Variants in GALNT13 observed in about 807,000 individuals in gnomAD.
The protein encoded by GALNT13 is polypeptide N-acetylgalactosaminyltransferase 13.
A neutral mutation model predicts 64.2 loss-of-function variants in GALNT13; 28 were observed. The ratio of observed to expected loss-of-function variants is 0.44; its 90% CI spans 0.32 to 0.60. The LOEUF (loss-of-function observed/expected upper bound fraction) is 0.60, where lower values mean the gene tolerates loss of function less well. GALNT13 is among the 20% of genes least tolerant of loss of function. The pLI, the probability that GALNT13 is intolerant of heterozygous loss-of-function variation, is 0.05. For missense variants in GALNT13, 577 were observed against 669.8 expected, an observed-to-expected ratio of 0.86 and a Z score of 1.53; for synonymous variants, 214 against 224.6, an observed-to-expected ratio of 0.95 and a Z score of 0.42.
chr2:153,149,122 T>C, the GALNT13 span, among the ~76,000 whole-genome samples: 1 of 151,876 alleles, frequency 6.6e-6, no homozygotes, highest in South Asian at 2.1e-4. Flanking sequence ...ACTCTTTAAA[T>C]AGTATTTATA....
the GALNT13 span, among the ~76,000 whole-genome samples, chr2:153,399,808 C>CT: frequency 6.6e-6 from 1 of 152,112 alleles, no homozygotes; most frequent in African/African-American, 2.4e-5. Context: ...TGCTTATCAG[C>CT]TTAAGGAGAT....
intron 7 of GALNT13, among the ~76,000 whole-genome samples, chr2:154,252,704 G>T (rs2105890343): frequency 6.7e-6 from 1 of 149,946 alleles, no homozygotes; most frequent in East Asian, 2.0e-4. Context: ...TGCTGTATAA[G>T]GTATATGGAC....
At chr2:154,125,159 A>C (rs1274627406) in intron 3 of GALNT13, among the ~76,000 whole-genome samples, 1 of 152,174 alleles carries the variant, frequency 6.6e-6, no homozygotes, top group Admixed American at 6.5e-5. Context: ...AGTGCCTAGC[A>C]CATGAGCACA....
upstream of GALNT13, among the ~76,000 whole-genome samples, chr2:153,871,626 G>A (rs1685940823): frequency 6.6e-6 from 1 of 152,192 alleles, no homozygotes; most frequent in Admixed American, 6.5e-5. Flanking sequence ...CCGGCGAGAG[G>A]AGCTGACCCC....
the GALNT13 span, among the ~76,000 whole-genome samples, chr2:153,444,839 A>G: frequency 7.5e-4 from 114 of 152,280 alleles, no homozygotes; most frequent in Middle Eastern, 3.4e-3. Flanking sequence ...TCACCTGGTG[A>G]AGGACATGTT....
At chr2:154,380,881 AT>A (rs1255603177) in intron 9 of GALNT13, among the ~76,000 whole-genome samples, 1 of 151,914 alleles carries the variant, frequency 6.6e-6, no homozygotes, top group Non-Finnish European at 1.5e-5. Flanking sequence ...TTCCTTGGAG[AT>A]TGTCAGGCTG....
At chr2:154,168,672 TTAAAA>T (rs1383563991) in intron 4 of GALNT13, among the ~76,000 whole-genome samples, 11 of 119,028 alleles carry the variant, frequency 9.2e-5, no homozygotes, top group Non-Finnish European at 9.9e-5. Flanking sequence ...ATCTCTACTA[TTAAAA>T]AAAAAAAAAA....
intron 4 of GALNT13, among the ~76,000 whole-genome samples, chr2:154,145,902 A>G (rs1369363578): frequency 6.6e-6 from 1 of 152,050 alleles, no homozygotes; most frequent in Non-Finnish European, 1.5e-5. Flanking sequence ...GAAATAGAAA[A>G]TGAGAATATT....
chr2:154,075,770 T>G (rs755316499), intron 3 of GALNT13, among the ~76,000 whole-genome samples: 113 of 149,402 alleles, frequency 7.6e-4, no homozygotes, highest in Non-Finnish European at 1.2e-3. Flanking sequence ...TTTGTTTTAT[T>G]TTTGTTTGTT....
intron 9 of GALNT13, among the ~76,000 whole-genome samples, chr2:154,374,436 C>T (rs1697864981): frequency 6.6e-6 from 1 of 151,996 alleles, no homozygotes; most frequent in Admixed American, 6.6e-5. Context: ...ACAAGGAAAA[C>T]CGATGAGCTG....
the GALNT13 span, among the ~76,000 whole-genome samples, chr2:153,332,881 G>A: frequency 8.5e-5 from 13 of 152,308 alleles, no homozygotes; most frequent in East Asian, 1.4e-3. Context: ...TGAGACAACC[G>A]TCAATGGCAC....
chr2:153,588,670 T>C, the GALNT13 span, among the ~76,000 whole-genome samples: 1 of 152,212 alleles, frequency 6.6e-6, no homozygotes, highest in Admixed American at 6.5e-5. Context: ...TTGTCCCTAT[T>C]GTCTTGGGGA....
chr2:154,016,462 G>T (rs1697010463), intron 3 of GALNT13, among the ~76,000 whole-genome samples: 1 of 152,172 alleles, frequency 6.6e-6, no homozygotes, highest in South Asian at 2.1e-4. Context: ...CTGTCACCCA[G>T]GCTGGAGTGC....
At chr2:153,945,330 T>G (rs900641610) in intron 3 of GALNT13, among the ~76,000 whole-genome samples, 1 of 152,180 alleles carries the variant, frequency 6.6e-6, no homozygotes, top group African/African-American at 2.4e-5. Flanking sequence ...TCCAGTTTTC[T>G]CTATGCTTTC....
chr2:154,009,501 CTT>C (rs34094447), intron 3 of GALNT13, among the ~76,000 whole-genome samples: 2 of 142,314 alleles, frequency 1.4e-5, no homozygotes, highest in Non-Finnish European at 1.5e-5. Flanking sequence ...GGTGTTATGG[CTT>C]TTTTTTTTTT....
At chr2:153,110,267 G>A in the GALNT13 span, among the ~76,000 whole-genome samples, 557 of 152,160 alleles carry the variant, frequency 3.7e-3, 2 homozygotes, top group African/African-American at 0.012. Flanking sequence ...TCCACATACT[G>A]TCACTGATAG....
intron 2 of GALNT13, among the ~76,000 whole-genome samples, chr2:153,908,091 A>G (rs1259631162): frequency 1.3e-5 from 2 of 152,032 alleles, no homozygotes; most frequent in African/African-American, 4.8e-5. Flanking sequence ...CTTTTTCATA[A>G]TAGCCATTCT....
At chr2:153,597,250 C>T in the GALNT13 span, among the ~76,000 whole-genome samples, 1 of 152,026 alleles carries the variant, frequency 6.6e-6, no homozygotes, top group African/African-American at 2.4e-5. Flanking sequence ...AGCATTAAGC[C>T]TAGTACAGGG....
the GALNT13 span, among the ~76,000 whole-genome samples, chr2:153,583,215 C>T: frequency 2.0e-5 from 3 of 152,040 alleles, no homozygotes; most frequent in Non-Finnish European, 4.4e-5. Context: ...GCTTTTAAGC[C>T]ATGAAGAAAG....
Sources: gnomAD v4.1 joint callset for allele counts (sites outside exome capture counted in the v4.1 genomes callset) on GRCh38, gnomAD v4.1.1 for gene constraint, MANE v1.5 for transcripts, NCBI Gene and HGNC (gene_info 2026-07-23, HGNC 2026-07-21) for gene names.